Variants in RAB31 observed in about 807,000 individuals in gnomAD.
The protein encoded by RAB31 is ras-related protein Rab-31.
In RAB31, 21 loss-of-function variants were observed where a neutral mutation model predicts 25.6. That is an observed-to-expected ratio of 0.82 (90% CI 0.58 to 1.18). RAB31 has a LOEUF of 1.18. RAB31 is among the 50% of genes most tolerant of loss of function. The pLI is 0.00. For synonymous variants in RAB31, 87 were observed against 84.0 expected, an observed-to-expected ratio of 1.04 and a Z score of -0.20; for missense variants, 196 against 250.1, an observed-to-expected ratio of 0.78 and a Z score of 1.46.
intron 1 of RAB31, among the ~76,000 whole-genome samples, chr18:9,715,786 C>T (rs1168062312): frequency 6.6e-6 from 1 of 152,200 alleles, no homozygotes; most frequent in Non-Finnish European, 1.5e-5. Flanking sequence ...CCTGCCTTGA[C>T]CTCCCAAAGT....
intron 5 of RAB31, among the ~76,000 whole-genome samples, chr18:9,835,402 A>G (rs1009276330): frequency 2.2e-4 from 33 of 151,580 alleles, no homozygotes; most frequent in Non-Finnish European, 1.3e-4. Flanking sequence ...GGGGATTAAG[A>G]GGCAAAGGAA....
intron 1 of RAB31, among the ~76,000 whole-genome samples, chr18:9,739,276 C>T (rs148178631): frequency 7.3e-4 from 111 of 152,244 alleles, no homozygotes; most frequent in African/African-American, 2.6e-3. Context: ...AGATCGAGAC[C>T]ATCCTGACTA....
chr18:9,853,454 TC>T (rs1384349091), intron 6 of RAB31, among the ~76,000 whole-genome samples: 1 of 152,206 alleles, frequency 6.6e-6, no homozygotes, highest in Non-Finnish European at 1.5e-5. Context: ...ACTGTATGAC[TC>T]CAACTACATG....
chr18:9,753,062 CT>C (rs1463241401), intron 1 of RAB31, among the ~76,000 whole-genome samples: 1 of 152,180 alleles, frequency 6.6e-6, no homozygotes, highest in Non-Finnish European at 1.5e-5. Flanking sequence ...AAGACTGGGA[CT>C]GTGCTGTGGG....
chr18:9,724,098 C>T (rs7233366), intron 1 of RAB31, among the ~76,000 whole-genome samples: 116,926 of 150,372 alleles, frequency 0.78, 45,720 homozygotes, highest in East Asian at 0.86. Flanking sequence ...GGTGAAACCC[C>T]GTCTCTACTA....
At position 9,724,707 on chromosome 18, in the gene RAB31, A is replaced by G. The variant is rs566824750; in HGVS notation, c.39+16263A>G. 6.6e-5 allele frequency among the ~76,000 whole-genome samples: 10 copies of G among 152,360 alleles called. No individual in the cohort carries two copies. In the South Asian group the frequency reaches 2.1e-3, roughly 32 times the overall value. On this transcript the variant is annotated intron_variant, in intron 1 of 6. Transcript: ENST00000578921. ...AAGCGCTTCAGAATGCCTTTGATTA[A>G]GAAGGATGTCATTATGCAGATGAGC...
At chr18:9,756,683 C>T (rs763429535) in intron 1 of RAB31, among the ~76,000 whole-genome samples, 3 of 152,160 alleles carry the variant, frequency 2.0e-5, no homozygotes, top group South Asian at 2.1e-4. Flanking sequence ...AGTGTTGATA[C>T]GATAGACTCT....
rs996676811 is a variant in RAB31 at position 9,708,528 on chromosome 18, C to T, written c.39+84C>T. 2.5e-5 allele frequency: 30 copies of T among 1,214,184 alleles called. No individual in the cohort carries two copies. Among genetic ancestry groups the T allele is most frequent in the Middle Eastern group, 2.1e-4 (1 of 4,762 alleles). The allele number at this position is 1,214,184 out of a possible 1,614,324, so 75.2% of individuals were successfully genotyped here. On this transcript the variant is annotated intron_variant, in intron 1 of 6. Coordinates refer to ENST00000578921, the MANE Select transcript of RAB31 (RefSeq NM_006868.4). The surrounding 1 kb of genome is among the most constrained non-coding windows in gnomAD (Gnocchi z 6.4). ...TCCCCTATTCCCTGCGCGCTCAGTC[C>T]CCGTGATCCCCTCGCTCTCCGCACC...
intron 1 of RAB31, among the ~76,000 whole-genome samples, chr18:9,711,131 G>A (rs1413950780): frequency 1.3e-5 from 2 of 152,054 alleles, no homozygotes; most frequent in Non-Finnish European, 1.5e-5. Context: ...ATAACATTGA[G>A]GGAGATCAAA....
intron 5 of RAB31, among the ~76,000 whole-genome samples, chr18:9,845,008 T>C (rs1300535324): frequency 2.0e-5 from 3 of 152,104 alleles, no homozygotes; most frequent in Non-Finnish European, 4.4e-5. Flanking sequence ...TTTTTAATTG[T>C]TCATTTAAAT....
chr18:9,792,026 T>A, intron 2 of RAB31, 128 bp from the exon 3 acceptor site: 1 of 1,298,808 alleles, frequency 7.7e-7, no homozygotes, highest in Middle Eastern at 2.2e-4. Flanking sequence ...CCTTTTCTCG[T>A]CTTAGTGGTT....
intron 3 of RAB31, among the ~76,000 whole-genome samples, chr18:9,809,372 T>C (rs2068559259): frequency 6.7e-6 from 1 of 150,232 alleles, no homozygotes; most frequent in Admixed American, 6.7e-5. Flanking sequence ...AAATACTACT[T>C]GAAAAAAAGA....
chr18:9,756,333 G>A (rs2068260361), intron 1 of RAB31, among the ~76,000 whole-genome samples: 1 of 152,188 alleles, frequency 6.6e-6, no homozygotes, highest in Admixed American at 6.5e-5. Context: ...AAGCAGGTAA[G>A]TTGTGGGCAG....
At chr18:9,759,870 C>G (rs999757332) in intron 1 of RAB31, among the ~76,000 whole-genome samples, 1 of 151,958 alleles carries the variant, frequency 6.6e-6, no homozygotes, top group African/African-American at 2.4e-5. Context: ...GGGGCTCTGA[C>G]AGATGATGCA....
chr18:9,779,059 G>C (rs1245575531), intron 2 of RAB31, among the ~76,000 whole-genome samples: 1 of 152,082 alleles, frequency 6.6e-6, no homozygotes. Flanking sequence ...AGGAGGGGTT[G>C]GTTTTGCTGT....
chr18:9,761,050 C>T (rs2068286027), intron 1 of RAB31, among the ~76,000 whole-genome samples: 1 of 152,046 alleles, frequency 6.6e-6, no homozygotes. Flanking sequence ...GAGATTTACT[C>T]TTAGATGGAA....
intron 3 of RAB31, among the ~76,000 whole-genome samples, chr18:9,797,857 C>G (rs1168307365): frequency 6.6e-6 from 1 of 152,170 alleles, no homozygotes; most frequent in Non-Finnish European, 1.5e-5. Flanking sequence ...TAACACTTAC[C>G]TCTAACAGGC....
At chr18:9,821,778 A>G (rs1329356526) in intron 5 of RAB31, among the ~76,000 whole-genome samples, 1 of 152,182 alleles carries the variant, frequency 6.6e-6, no homozygotes. Flanking sequence ...CTGTATGCTG[A>G]AAAGTACAAA....
intron 1 of RAB31, among the ~76,000 whole-genome samples, chr18:9,716,390 C>T (rs2068044622): frequency 6.6e-6 from 1 of 152,214 alleles, no homozygotes; most frequent in South Asian, 2.1e-4. Flanking sequence ...AATTTCTTAG[C>T]TTCTGCAAGT....
Sources: allele counts gnomAD v4.1 joint callset (sites outside exome capture counted in the v4.1 genomes callset), GRCh38; gene constraint gnomAD v4.1.1; non-coding constraint Gnocchi (gnomAD v3.1); transcripts MANE v1.5; gene names NCBI Gene and HGNC (gene_info 2026-07-23, HGNC 2026-07-21).